Variants in TPRG1 observed in about 807,000 individuals in gnomAD.
TPRG1 encodes tumor protein p63-regulated gene 1 protein.
In TPRG1, 29 loss-of-function variants were observed where a neutral mutation model predicts 29.3. The ratio of observed to expected loss-of-function variants is 0.99; its 90% CI spans 0.74 to 1.35. The LOEUF (loss-of-function observed/expected upper bound fraction) is 1.35. Among genes scored for constraint, TPRG1 ranks in the 40% most tolerant of loss-of-function variants. The pLI is 0.00. For missense variants in TPRG1, 327 were observed against 335.0 expected (o/e 0.98, Z 0.19); for synonymous variants, 130 against 116.8 (o/e 1.11, Z -0.73).
intron 4 of TPRG1, among the ~76,000 whole-genome samples, chr3:189,093,633 C>T (rs979347507): frequency 3.3e-5 from 5 of 152,050 alleles, no homozygotes; most frequent in Admixed American, 1.3e-4. Context: ...TCTTTCATCT[C>T]GGGGCTATTT....
intron 4 of TPRG1, among the ~76,000 whole-genome samples, chr3:189,263,436 C>A (rs1713495700): frequency 6.6e-6 from 1 of 152,162 alleles, no homozygotes; most frequent in South Asian, 2.1e-4. Context: ...TGAAGGACAT[C>A]AAAGTGGAGA....
intron 4 of TPRG1, among the ~76,000 whole-genome samples, chr3:189,038,375 T>C (rs1231703202): frequency 3.9e-5 from 6 of 152,078 alleles, no homozygotes. Context: ...TCATATATAA[T>C]CAATTGATAT....
At chr3:189,011,347 T>G (rs2152122765) in intron 3 of TPRG1, among the ~76,000 whole-genome samples, 1 of 152,348 alleles carries the variant, frequency 6.6e-6, no homozygotes, top group African/African-American at 2.4e-5. Context: ...ATAAATTACT[T>G]TGGGTAGGAT....
intron 3 of TPRG1, among the ~76,000 whole-genome samples, chr3:189,227,285 C>T (rs1737898986): frequency 6.6e-6 from 1 of 152,168 alleles, no homozygotes; most frequent in African/African-American, 2.4e-5. Flanking sequence ...GTAGCCCTGT[C>T]CTGTTCTCAG....
intron 3 of TPRG1, among the ~76,000 whole-genome samples, chr3:189,223,662 G>T (rs1476239930): frequency 1.3e-5 from 2 of 152,148 alleles, no homozygotes; most frequent in African/African-American, 2.4e-5. Flanking sequence ...CTAATGCAGC[G>T]AAATGCCTAG....
At chr3:189,038,547 C>T (rs1429190022) in intron 4 of TPRG1, among the ~76,000 whole-genome samples, 2 of 151,790 alleles carry the variant, frequency 1.3e-5, no homozygotes, top group East Asian at 3.9e-4. Context: ...AGTACCTTGG[C>T]AACTTCGGGG....
chr3:189,307,648 T>G (rs895851092), intron 4 of TPRG1, among the ~76,000 whole-genome samples: 1 of 152,212 alleles, frequency 6.6e-6, no homozygotes, highest in African/African-American at 2.4e-5. Context: ...AAAAGACCCC[T>G]GAATGAGGTC....
intron 1 of TPRG1, chr3:189,100,276 CCTT>C (rs1291263266): frequency 3.3e-5 from 5 of 152,334 alleles, no homozygotes; most frequent in African/African-American, 9.6e-5. Context: ...AGTTTTCCCT[CCTT>C]CTCTCCTGAA....
At chr3:189,199,790 G>A (rs1733153842) in intron 1 of TPRG1, among the ~76,000 whole-genome samples, 1 of 152,226 alleles carries the variant, frequency 6.6e-6, no homozygotes, top group Non-Finnish European at 1.5e-5. Flanking sequence ...TGATCCAGGC[G>A]AATCTCTTGA....
chr3:189,247,908 T>G (rs906662175), intron 4 of TPRG1, among the ~76,000 whole-genome samples: 1 of 151,954 alleles, frequency 6.6e-6, no homozygotes, highest in Non-Finnish European at 1.5e-5. Flanking sequence ...CTATTGAATA[T>G]TAATTGCAAG....
chr3:189,193,601 T>C lies in TPRG1; in HGVS notation c.-9-13775T>C, dbSNP rs1404464482. On this transcript the variant is annotated intron_variant, in intron 1 of 5. Coordinates refer to ENST00000345063, the MANE Select transcript of TPRG1 (RefSeq NM_198485.4). ...AGTCTTGTAAGCTTTCCTCACTCCT[T>C]TTCATTCTTAGTTCTTTTTTTTTTT... 2.2e-5 allele frequency among the ~76,000 whole-genome samples: 3 copies of C among 134,832 alleles called. No homozygotes were observed. In the East Asian group the frequency reaches 6.3e-4, roughly 29 times the overall value. 88.5% of individuals were successfully genotyped at this position (134,832 alleles called of 152,430 possible).
intron 5 of TPRG1, 56 bp from the exon 6 acceptor site, chr3:189,320,570 A>G (rs1394866643): frequency 2.0e-6 from 3 of 1,470,220 alleles, no homozygotes; most frequent in African/African-American, 1.4e-5. Flanking sequence ...GGAGATGAGT[A>G]TCTCTCAACT....
upstream of TPRG1, among the ~76,000 whole-genome samples, chr3:189,167,064 G>GT (rs1177438381): frequency 1.3e-5 from 2 of 152,174 alleles, no homozygotes; most frequent in African/African-American, 4.8e-5. Context: ...TAGAAGCGGT[G>GT]TTTTTTTCTC....
intron 3 of TPRG1, among the ~76,000 whole-genome samples, chr3:189,007,627 G>A (rs1394409381): frequency 1.3e-5 from 2 of 149,938 alleles, no homozygotes; most frequent in African/African-American, 2.5e-5. Flanking sequence ...ATTCACAATA[G>A]CAAAGACTTG....
At chr3:189,225,465 G>C (rs1311331587) in intron 3 of TPRG1, among the ~76,000 whole-genome samples, 1 of 152,128 alleles carries the variant, frequency 6.6e-6, no homozygotes, top group South Asian at 2.1e-4. Context: ...AAATGCATTA[G>C]GCTCTGGAAA....
intron 5 of TPRG1, among the ~76,000 whole-genome samples, chr3:189,161,380 A>T (rs749301942): frequency 7.2e-5 from 11 of 152,256 alleles, no homozygotes; most frequent in Non-Finnish European, 1.3e-4. Flanking sequence ...ATAAATGGAG[A>T]AGCATTGTAA....
intron 2 of TPRG1, among the ~76,000 whole-genome samples, chr3:189,004,159 G>A (rs1194383238): frequency 2.0e-5 from 3 of 152,058 alleles, no homozygotes; most frequent in Non-Finnish European, 4.4e-5. Flanking sequence ...AAATGGTAAT[G>A]CATTTATGTG....
chr3:189,226,700 A>T, intron 3 of TPRG1, among the ~76,000 whole-genome samples: 1 of 126,072 alleles, frequency 7.9e-6, no homozygotes, highest in East Asian at 2.2e-4. Flanking sequence ...GAAAAAATTA[A>T]ACAAAAAAAA....
In TPRG1 at chr3:189,175,463, A is replaced by G. The variant is rs867112429; in HGVS notation, c.-10+3332A>G. On this transcript the variant is annotated intron_variant, in intron 1 of 5. Coordinates refer to ENST00000345063, the MANE Select transcript of TPRG1 (RefSeq NM_198485.4). ...CCAGATCCTGGGTGCTGGCAGGCTC[A>G]GGGTTTCAGATCAGGCACAACATGG... 7.2e-5 allele frequency among the ~76,000 whole-genome samples: 11 copies of G among 152,346 alleles called. No homozygotes were observed. In the South Asian group the frequency reaches 2.3e-3, roughly 32 times the overall value.
Sources: allele counts gnomAD v4.1 joint callset (sites outside exome capture counted in the v4.1 genomes callset), GRCh38; gene constraint gnomAD v4.1.1; transcripts MANE v1.5; gene names NCBI Gene and HGNC (gene_info 2026-07-23, HGNC 2026-07-21).